Variants in RGS7 observed in about 807,000 individuals in gnomAD.
RGS7 encodes the protein regulator of G-protein signaling 7.
RGS7 carries 27 observed loss-of-function variants against 81.1 expected under a neutral mutation model. That is an observed-to-expected ratio of 0.33 (90% CI 0.25 to 0.46). RGS7 has a LOEUF of 0.46. RGS7 is among the 20% of genes least tolerant of loss of function. The pLI is 1.00. For synonymous variants in RGS7, 208 were observed against 207.7 expected, an observed-to-expected ratio of 1.00 and a Z score of -0.01; for missense variants, 396 against 607.4, an observed-to-expected ratio of 0.65 and a Z score of 3.66.
chr1:241,329,972 G>A lies in RGS7; in HGVS notation c.78+25727C>T, dbSNP rs11802653. Among the ~76,000 whole-genome samples, 830 of 151,536 alleles carry A rather than the reference G, an allele frequency of 5.5e-3. 10 individuals carry two copies. The highest frequency in any genetic ancestry group is 0.019 in the African/African-American group (778 of 41,248). On this transcript the variant is annotated intron_variant, in intron 2 of 18. Transcript: ENST00000440928. The stretch of plus-strand genomic sequence containing the variant: ...TTTTTTGTTTTTGAGATGGAGTCTC[G>A]CTCTATCGCCCAGGCTGGAGTGGGT...
intron 2 of RGS7, among the ~76,000 whole-genome samples, chr1:241,246,295 G>A (rs1478258517): frequency 1.3e-5 from 2 of 151,870 alleles, no homozygotes; most frequent in Non-Finnish European, 2.9e-5. Flanking sequence ...AAGGAAACCT[G>A]GACTGATAAA....
rs767275119 is a variant in RGS7 at position 240,831,630 on chromosome 1, C to CTT, written c.610-4460_610-4459dup. ...ATGACAACAGAACATTCCAGACATC[C>CTT]TTTTTTTTTTTTTTTTTTTCCTGAG... On this transcript the variant is annotated intron_variant, in intron 9 of 18. Coordinates refer to ENST00000440928, the MANE Select transcript of RGS7 (RefSeq NM_001364886.1). Among the ~76,000 whole-genome samples, 425 of 135,370 alleles carry CTT rather than the reference C, an allele frequency of 3.1e-3. 1 individual carries two copies. Among genetic ancestry groups the CTT allele is most frequent in the Admixed American group, 0.028 (363 of 13,082 alleles). 88.8% of individuals were successfully genotyped at this position (135,370 alleles called of 152,430 possible).
At chr1:240,861,309 A>G (rs1273171153) in intron 9 of RGS7, among the ~76,000 whole-genome samples, 1 of 152,128 alleles carries the variant, frequency 6.6e-6, no homozygotes, top group African/African-American at 2.4e-5. Flanking sequence ...AAGCATTTTT[A>G]TCCGTGACGT....
chr1:241,354,083 TTAC>T (rs2083414749), intron 2 of RGS7, among the ~76,000 whole-genome samples: 1 of 152,124 alleles, frequency 6.6e-6, no homozygotes, highest in African/African-American at 2.4e-5. Context: ...CGGAAATAGC[TTAC>T]TACTATAATT....
At chr1:241,162,229 A>G (rs61833767) in intron 2 of RGS7, among the ~76,000 whole-genome samples, 28,022 of 102,960 alleles carry the variant, frequency 0.27, 2,816 homozygotes, top group African/African-American at 0.33. Flanking sequence ...TCAGCTTCCA[A>G]ATAAGATCTC....
chr1:241,271,573 C>T lies in RGS7; in HGVS notation c.78+84126G>A, dbSNP rs540881833. Among the ~76,000 whole-genome samples the T allele has an allele frequency of 3.9e-5, 6 of 152,290 alleles. No individual in the cohort carries two copies. Among genetic ancestry groups the T allele is most frequent in the South Asian group, 4.1e-4 (2 of 4,830 alleles). On this transcript the variant is annotated intron_variant, in intron 2 of 18. Coordinates refer to ENST00000440928, the MANE Select transcript of RGS7 (RefSeq NM_001364886.1). This position sits in a 1 kb window ranked among gnomAD's most constrained non-coding sequence, Gnocchi z 4.6. ...TATTTTTGGGTGTGTCTGTGAGAGG[C>T]TTTCTGGAAGAAATTAGCATTTGAA...
intron 2 of RGS7, among the ~76,000 whole-genome samples, chr1:241,314,596 T>G (rs1356377260): frequency 6.6e-6 from 1 of 152,206 alleles, no homozygotes; most frequent in Non-Finnish European, 1.5e-5. Flanking sequence ...CTGCAATATA[T>G]CCAAGCTATG....
chr1:241,125,083 T>A (rs1379556556), intron 2 of RGS7, among the ~76,000 whole-genome samples: 1 of 152,166 alleles, frequency 6.6e-6, no homozygotes, highest in African/African-American at 2.4e-5. Flanking sequence ...GGACTCTGTG[T>A]CCTCATGGTA....
chr1:240,846,211 C>A (rs1263139464), intron 9 of RGS7, among the ~76,000 whole-genome samples: 1 of 152,108 alleles, frequency 6.6e-6, no homozygotes, highest in East Asian at 1.9e-4. Context: ...ATGTCATTCC[C>A]AGTATAAAAA....
chr1:241,259,667 A>AAATATATATATATATATAT, intron 2 of RGS7, among the ~76,000 whole-genome samples: 2 of 49,138 alleles, frequency 4.1e-5, no homozygotes, highest in African/African-American at 7.9e-5. Context: ...AAAAAAAAAA[A>AAATATATATATATATATAT]ATATATATAT....
chr1:240,923,798 T>C (rs1169035596), intron 6 of RGS7, among the ~76,000 whole-genome samples: 1 of 152,074 alleles, frequency 6.6e-6, no homozygotes, highest in Non-Finnish European at 1.5e-5. Context: ...AAATAAATAA[T>C]GTCTACTTTT....
chr1:241,329,002 T>C (rs907705886), intron 2 of RGS7, among the ~76,000 whole-genome samples: 1 of 152,190 alleles, frequency 6.6e-6, no homozygotes, highest in African/African-American at 2.4e-5. Flanking sequence ...CCGTCACAAA[T>C]AATGTTTTCT....
intron 3 of RGS7, among the ~76,000 whole-genome samples, chr1:241,033,889 CTT>C (rs947940985): frequency 3.3e-5 from 5 of 151,342 alleles, no homozygotes; most frequent in Non-Finnish European, 5.9e-5. Context: ...AGATAAGAAA[CTT>C]AAAAAAAAAA....
intron 2 of RGS7, among the ~76,000 whole-genome samples, chr1:241,169,092 GTTTT>G (rs1378823679): frequency 6.6e-6 from 1 of 151,950 alleles, no homozygotes; most frequent in South Asian, 2.1e-4. Context: ...ATAAATGGGT[GTTTT>G]TTTAAGTCAC....
intron 2 of RGS7, among the ~76,000 whole-genome samples, chr1:241,150,068 C>T (rs1365505332): frequency 3.3e-5 from 5 of 152,142 alleles, no homozygotes; most frequent in African/African-American, 1.2e-4. Flanking sequence ...TACAACCTGT[C>T]CTCCCTGTAC....
At chr1:241,147,223 T>C (rs1249906338) in intron 2 of RGS7, among the ~76,000 whole-genome samples, 1 of 152,178 alleles carries the variant, frequency 6.6e-6, no homozygotes, top group Non-Finnish European at 1.5e-5. Flanking sequence ...GTGCAGAGAT[T>C]ATTATAAAAA....
intron 2 of RGS7, among the ~76,000 whole-genome samples, chr1:241,147,181 A>G (rs964475858): frequency 2.0e-5 from 3 of 152,210 alleles, no homozygotes; most frequent in African/African-American, 7.2e-5. Context: ...CACCTTCCAG[A>G]AAGAAATTAC....
intron 2 of RGS7, among the ~76,000 whole-genome samples, chr1:241,203,998 C>A (rs932311668): frequency 1.3e-5 from 2 of 152,148 alleles, no homozygotes; most frequent in African/African-American, 4.8e-5. Flanking sequence ...GCTACTCTTG[C>A]CCTTTCAAAT....
chr1:241,307,147 C>T (rs938737698), intron 2 of RGS7, among the ~76,000 whole-genome samples: 2 of 152,134 alleles, frequency 1.3e-5, no homozygotes, highest in Admixed American at 1.3e-4. Flanking sequence ...CTTGTTCCCG[C>T]CCAATCTCTA....
Sources: allele counts gnomAD v4.1 joint callset (sites outside exome capture counted in the v4.1 genomes callset), GRCh38; gene constraint gnomAD v4.1.1; non-coding constraint Gnocchi (gnomAD v3.1); transcripts MANE v1.5; gene names NCBI Gene and HGNC (gene_info 2026-07-23, HGNC 2026-07-21).